KCNQ3: variants seen among roughly 807,000 people sequenced by gnomAD.
The protein encoded by KCNQ3 is potassium voltage-gated channel subfamily KQT member 3.
KCNQ3 carries 30 observed loss-of-function variants against 92.5 expected under a neutral mutation model. The ratio of observed to expected loss-of-function variants is 0.32; its 90% CI spans 0.24 to 0.44. The LOEUF (loss-of-function observed/expected upper bound fraction) is 0.44, where lower values mean the gene tolerates loss of function less well. Ranked by LOEUF, KCNQ3 falls within the 20% of genes least tolerant of loss-of-function variation. KCNQ3 has a pLI of 1.00. For synonymous variants in KCNQ3, 450 were observed against 468.8 expected (o/e 0.96, Z 0.52); for missense variants, 913 against 1,140.3 (o/e 0.80, Z 2.87).
intron 1 of KCNQ3, among the ~76,000 whole-genome samples, chr8:132,315,906 T>C (rs765054323): frequency 2.0e-5 from 3 of 152,224 alleles, no homozygotes; most frequent in Non-Finnish European, 2.9e-5. Flanking sequence ...TTCATGCTTC[T>C]GAATGGTTTT....
At chr8:132,265,651 T>C (rs1002817653) in intron 1 of KCNQ3, among the ~76,000 whole-genome samples, 2 of 152,216 alleles carry the variant, frequency 1.3e-5, no homozygotes, top group African/African-American at 4.8e-5. Context: ...ATGGCAGATT[T>C]TAGCAGTGAA....
At chr8:132,343,173 T>C (rs1278490277) in intron 1 of KCNQ3, among the ~76,000 whole-genome samples, 3 of 152,240 alleles carry the variant, frequency 2.0e-5, no homozygotes, top group Non-Finnish European at 2.9e-5. Context: ...TGAATCACAG[T>C]GTTCAATGGA....
In KCNQ3 at chr8:132,124,757, G is replaced by A. The variant is rs1207520853; in HGVS notation, c.*4505C>T. On this transcript the variant is annotated 3_prime_UTR_variant, in exon 15 of 15. Coordinates refer to ENST00000388996, the MANE Select transcript of KCNQ3 (RefSeq NM_004519.4). ...AGCCTTCAAGGACAAGTGAGGACAT[G>A]AAGCAAATTCCTAAGGATGCCTGGG... The A allele has an allele frequency of 6.6e-6, 1 of 152,232 alleles. No homozygotes were observed. The highest frequency in any genetic ancestry group is 1.5e-5 in the Non-Finnish European group (1 of 68,040). The allele number at this position is 152,232 out of a possible 1,614,324, so 9.4% of individuals were successfully genotyped here.
chr8:132,151,230 A>T (rs1440371478), intron 9 of KCNQ3, among the ~76,000 whole-genome samples: 1 of 152,226 alleles, frequency 6.6e-6, no homozygotes, highest in Non-Finnish European at 1.5e-5. Context: ...TAATCAAAAC[A>T]AATTACCAGG....
At chr8:132,382,249 T>C (rs1452925541) in intron 1 of KCNQ3, among the ~76,000 whole-genome samples, 1 of 152,186 alleles carries the variant, frequency 6.6e-6, no homozygotes, top group Non-Finnish European at 1.5e-5. Flanking sequence ...TGGTAGAAAG[T>C]ATTTGGGTCC....
At chr8:132,317,178 T>C (rs1229576935) in intron 1 of KCNQ3, among the ~76,000 whole-genome samples, 1 of 152,234 alleles carries the variant, frequency 6.6e-6, no homozygotes, top group African/African-American at 2.4e-5. Context: ...CTATTGTAAC[T>C]GTTTAATAAA....
At chr8:132,292,244 T>A (rs1477344549) in intron 1 of KCNQ3, among the ~76,000 whole-genome samples, 2 of 152,178 alleles carry the variant, frequency 1.3e-5, no homozygotes, top group Non-Finnish European at 2.9e-5. Flanking sequence ...CTCTCTATAG[T>A]AGGGTATTAA....
chr8:132,462,957 T>C lies in KCNQ3; in HGVS notation c.386+17190A>G, dbSNP rs377082327. On this transcript the variant is annotated intron_variant, in intron 1 of 14. Transcript: ENST00000388996. ...CTTTTTCTACACACACACACACGTA[T>C]ACATATACAGTATATGCCTCATTCA... Among the ~76,000 whole-genome samples, 398 of 152,290 alleles carry C rather than the reference T, an allele frequency of 2.6e-3. 4 individuals are homozygous for C. Among genetic ancestry groups the C allele is most frequent in the African/African-American group, 9.1e-3 (377 of 41,554 alleles).
At chr8:132,201,067 C>A (rs1827443145) in intron 1 of KCNQ3, among the ~76,000 whole-genome samples, 1 of 152,076 alleles carries the variant, frequency 6.6e-6, no homozygotes, top group Non-Finnish European at 1.5e-5. Flanking sequence ...TAAGAGGGGG[C>A]CAAACTCACA....
intron 1 of KCNQ3, among the ~76,000 whole-genome samples, chr8:132,330,029 A>AGGATCTTCAGATGAAG (rs1403088676): frequency 6.6e-6 from 1 of 152,216 alleles, no homozygotes; most frequent in African/African-American, 2.4e-5. Flanking sequence ...ATTAAAGTTA[A>AGGATCTTCAGATGAAG]GGATCTTCAG....
At chr8:132,209,024 C>G (rs1448793846) in intron 1 of KCNQ3, among the ~76,000 whole-genome samples, 1 of 152,110 alleles carries the variant, frequency 6.6e-6, no homozygotes, top group Non-Finnish European at 1.5e-5. Context: ...TCAGCACAGG[C>G]CCCAGGGGTT....
intron 1 of KCNQ3, among the ~76,000 whole-genome samples, chr8:132,461,561 G>A (rs552647410): frequency 1.5e-4 from 23 of 152,038 alleles, no homozygotes; most frequent in Non-Finnish European, 2.8e-4. Flanking sequence ...GCAGGACTCC[G>A]TCTCAAAAAA....
At chr8:132,398,886 C>T (rs554106516) in intron 1 of KCNQ3, among the ~76,000 whole-genome samples, 160 of 152,340 alleles carry the variant, frequency 1.1e-3, no homozygotes, top group African/African-American at 3.7e-3. Flanking sequence ...AGCTGAACTT[C>T]AGACCACCTC....
intron 1 of KCNQ3, among the ~76,000 whole-genome samples, chr8:132,447,665 G>A (rs1024333238): frequency 9.9e-5 from 15 of 152,192 alleles, no homozygotes; most frequent in African/African-American, 2.2e-4. Flanking sequence ...AAGAGACAGC[G>A]CCACGAGCGC....
intron 1 of KCNQ3, among the ~76,000 whole-genome samples, chr8:132,436,989 G>A (rs1047277769): frequency 7.9e-4 from 120 of 152,298 alleles, no homozygotes; most frequent in Middle Eastern, 3.4e-3. Flanking sequence ...TCTTAAGAGT[G>A]GGGTGGTGGG....
intron 1 of KCNQ3, among the ~76,000 whole-genome samples, chr8:132,406,503 C>A (rs1820482714): frequency 6.6e-6 from 1 of 151,826 alleles, no homozygotes; most frequent in African/African-American, 2.4e-5. Context: ...ATTCCTGAGC[C>A]CCACTCACTC....
chr8:132,229,663 A>G (rs1315248378), intron 1 of KCNQ3, among the ~76,000 whole-genome samples: 2 of 152,008 alleles, frequency 1.3e-5, no homozygotes, highest in African/African-American at 4.8e-5. Flanking sequence ...ATAAGCCAAA[A>G]GCTGGGCAAT....
At chr8:132,442,297 GC>G (rs1283151974) in intron 1 of KCNQ3, among the ~76,000 whole-genome samples, 1 of 152,136 alleles carries the variant, frequency 6.6e-6, no homozygotes, top group Non-Finnish European at 1.5e-5. Context: ...CATCTGTGAA[GC>G]CCACTCTGAG....
chr8:132,193,645 A>T (rs1382845615), intron 1 of KCNQ3, among the ~76,000 whole-genome samples: 1 of 152,230 alleles, frequency 6.6e-6, no homozygotes, highest in African/African-American at 2.4e-5. Flanking sequence ...ATTCACAGTG[A>T]GACAAACACG....
Sources: gnomAD v4.1 joint callset for allele counts (sites outside exome capture counted in the v4.1 genomes callset) on GRCh38, gnomAD v4.1.1 for gene constraint, MANE v1.5 for transcripts, NCBI Gene and HGNC (gene_info 2026-07-23, HGNC 2026-07-21) for gene names.